Variants in SLC4A10 observed in about 807,000 individuals in gnomAD.
The protein encoded by SLC4A10 is sodium-driven chloride bicarbonate exchanger.
SLC4A10 carries 42 observed loss-of-function variants against 137.7 expected under a neutral mutation model. The observed-to-expected ratio is 0.30, with a 90% CI of 0.24 to 0.39. The LOEUF (loss-of-function observed/expected upper bound fraction) is 0.39. SLC4A10 is among the 10% of genes least tolerant of loss of function. The pLI, the probability that SLC4A10 is intolerant of heterozygous loss-of-function variation, is 1.00. For synonymous variants in SLC4A10, 474 were observed against 464.1 expected, an observed-to-expected ratio of 1.02 and a Z score of -0.27; for missense variants, 925 against 1,355.0, an observed-to-expected ratio of 0.68 and a Z score of 4.98.
intron 15 of SLC4A10, among the ~76,000 whole-genome samples, chr2:161,922,603 G>T (rs913463725): frequency 2.6e-5 from 4 of 152,028 alleles, no homozygotes; most frequent in African/African-American, 7.2e-5. Flanking sequence ...TAAAAATATT[G>T]TATGCTCATA....
At chr2:161,980,474 C>A (rs1340567919) in intron 26 of SLC4A10, among the ~76,000 whole-genome samples, 2 of 152,128 alleles carry the variant, frequency 1.3e-5, no homozygotes, top group African/African-American at 2.4e-5. Flanking sequence ...CATGGTGAAA[C>A]CCCATCTCTA....
intron 5 of SLC4A10, among the ~76,000 whole-genome samples, chr2:161,861,748 C>G (rs1041020719): frequency 6.6e-6 from 1 of 152,096 alleles, no homozygotes; most frequent in African/African-American, 2.4e-5. Flanking sequence ...AGTCTTGGCA[C>G]CAATATATGA....
chr2:161,708,828 A>G (rs2043968566), intron 1 of SLC4A10: 4 of 1,530,266 alleles, frequency 2.6e-6, no homozygotes, highest in African/African-American at 1.4e-5. Flanking sequence ...CTAAGTCATC[A>G]GGTATGACCT....
intron 1 of SLC4A10, among the ~76,000 whole-genome samples, chr2:161,762,535 G>T (rs1220764740): frequency 6.6e-6 from 1 of 151,832 alleles, no homozygotes; most frequent in African/African-American, 2.4e-5. Context: ...ATGACTCTAG[G>T]GTAAATAATG....
intron 1 of SLC4A10, among the ~76,000 whole-genome samples, chr2:161,753,624 TA>T (rs1179391099): frequency 6.6e-6 from 1 of 152,070 alleles, no homozygotes; most frequent in Non-Finnish European, 1.5e-5. Flanking sequence ...TAGCTATTAG[TA>T]GTAGTAGTGG....
At chr2:161,754,390 A>C (rs1405925404) in intron 1 of SLC4A10, among the ~76,000 whole-genome samples, 1 of 152,186 alleles carries the variant, frequency 6.6e-6, no homozygotes, top group Non-Finnish European at 1.5e-5. Context: ...AGGAACCATG[A>C]ACAACAAAAT....
chr2:161,846,501 T>C (rs2059506077), intron 4 of SLC4A10, among the ~76,000 whole-genome samples: 1 of 152,158 alleles, frequency 6.6e-6, no homozygotes, highest in Non-Finnish European at 1.5e-5. Flanking sequence ...TGAAAACATG[T>C]TCACACAAAG....
At chr2:161,624,640 T>C (rs975165171) in intron 1 of SLC4A10, 74 bp downstream of exon 1, 6 of 1,544,260 alleles carry the variant, frequency 3.9e-6, no homozygotes, top group Admixed American at 2.0e-5. Context: ...GTCTGCTAGC[T>C]AGGTGCAGCG....
chr2:161,649,313 A>G (rs938332035), intron 1 of SLC4A10, among the ~76,000 whole-genome samples: 6 of 152,208 alleles, frequency 3.9e-5, no homozygotes, highest in Admixed American at 6.5e-5. Flanking sequence ...GTGAGCCGAG[A>G]TTGTGCCATT....
intron 2 of SLC4A10, among the ~76,000 whole-genome samples, chr2:161,784,248 A>G (rs1018358570): frequency 9.9e-5 from 15 of 152,016 alleles, no homozygotes; most frequent in Non-Finnish European, 1.9e-4. Flanking sequence ...GCAAACATTG[A>G]CAAAACTGAA....
intron 10 of SLC4A10, among the ~76,000 whole-genome samples, chr2:161,888,309 G>A (rs894229538): frequency 1.3e-5 from 2 of 152,006 alleles, no homozygotes; most frequent in African/African-American, 4.8e-5. Flanking sequence ...ATTTAAAGTC[G>A]TTTTTTCCAA....
chr2:161,669,255 G>A (rs1172412694), intron 1 of SLC4A10, among the ~76,000 whole-genome samples: 2 of 151,780 alleles, frequency 1.3e-5, no homozygotes, highest in African/African-American at 2.4e-5. Context: ...GGATCATGTA[G>A]GATTTGTGGC....
intron 1 of SLC4A10, among the ~76,000 whole-genome samples, chr2:161,634,359 T>C (rs540292794): frequency 6.6e-6 from 1 of 152,052 alleles, no homozygotes; most frequent in South Asian, 2.1e-4. Context: ...TTAACTTTGA[T>C]TATGGAGGTA....
intron 15 of SLC4A10, among the ~76,000 whole-genome samples, chr2:161,941,915 A>T (rs1692776513): frequency 6.6e-6 from 1 of 152,182 alleles, no homozygotes; most frequent in African/African-American, 2.4e-5. Flanking sequence ...TAGTGAGAGC[A>T]AGAACCATAT....
At chr2:161,711,464 G>A (rs570297802) in intron 1 of SLC4A10, among the ~76,000 whole-genome samples, 17 of 151,870 alleles carry the variant, frequency 1.1e-4, no homozygotes, top group African/African-American at 2.9e-4. Context: ...CTGAGAAAGC[G>A]GATCAGGACC....
intron 15 of SLC4A10, among the ~76,000 whole-genome samples, chr2:161,922,002 T>C (rs1688227890): frequency 6.6e-6 from 1 of 152,154 alleles, no homozygotes; most frequent in Non-Finnish European, 1.5e-5. Flanking sequence ...TTAAAAAAAA[T>C]GAATGCATAG....
At chr2:161,834,093 A>G (rs959557507) in intron 3 of SLC4A10, among the ~76,000 whole-genome samples, 3 of 152,262 alleles carry the variant, frequency 2.0e-5, no homozygotes, top group Non-Finnish European at 4.4e-5. Flanking sequence ...ACCTCAGGCC[A>G]GCCTGATTGG....
At chr2:161,772,368 A>G (rs1192013479) in intron 2 of SLC4A10, among the ~76,000 whole-genome samples, 3 of 151,894 alleles carry the variant, frequency 2.0e-5, no homozygotes, top group Admixed American at 6.6e-5. Flanking sequence ...TAACAAAGCA[A>G]GATGGTAGCC....
chr2:161,922,302 T>C (rs1688287191), intron 15 of SLC4A10, among the ~76,000 whole-genome samples: 1 of 152,152 alleles, frequency 6.6e-6, no homozygotes, highest in East Asian at 1.9e-4. Context: ...ATGCATATTT[T>C]TGAAAAGCTA....
Sources: allele counts gnomAD v4.1 joint callset (sites outside exome capture counted in the v4.1 genomes callset), GRCh38; gene constraint gnomAD v4.1.1; transcripts MANE v1.5; gene names NCBI Gene and HGNC (gene_info 2026-07-23, HGNC 2026-07-21).